Variants in PRAMEF2 observed in about 807,000 individuals in gnomAD.
PRAMEF2 encodes PRAME family member 2.
A neutral mutation model predicts 38.0 loss-of-function variants in PRAMEF2; 35 were observed. That is an observed-to-expected ratio of 0.92 (90% CI 0.70 to 1.22). The LOEUF (loss-of-function observed/expected upper bound fraction) is 1.22, where lower values mean the gene tolerates loss of function less well. PRAMEF2 is among the 50% of genes most tolerant of loss of function. The pLI is 0.00. For synonymous variants in PRAMEF2, 240 were observed against 232.4 expected (o/e 1.03, Z -0.30); for missense variants, 562 against 553.9 (o/e 1.01, Z -0.15).
At chr1:12,858,260 A>C (rs1293402764) in intron 1 of PRAMEF2, among the ~76,000 whole-genome samples, 1 of 149,566 alleles carries the variant, frequency 6.7e-6, no homozygotes, top group Non-Finnish European at 1.5e-5. Flanking sequence ...TTAATTTATC[A>C]ATTTGTTTAT....
At position 12,859,831 on chromosome 1, in the gene PRAMEF2, A is replaced by G. The variant is rs769250458; in HGVS notation, c.426A>G (p.Gly142=). 2.5e-6 allele frequency: 4 copies of G among 1,607,542 alleles called. No individual in the cohort carries two copies. The South Asian group carries it at 3.3e-5, about 13-fold the overall frequency. ...CAGCAGAGGACTGTCCAAGGACGGG[A>G]GAGCACCAGCCCTTAAAGGTGTTCA... ...RQTAEDCPRT[G]EHQPLKVFID... The change falls in exon 3 of 4, where the codon GGA becomes GGG. Residue 142 remains glycine, a synonymous_variant. Transcript: ENST00000240189.
rs373860557 is a variant in PRAMEF2, at chr1:12,858,960, C to T, written c.-25-25C>T. 18 of 1,581,600 alleles carry T rather than the reference C, an allele frequency of 1.1e-5. 1 individual carries two copies. The highest frequency in any genetic ancestry group is 1.5e-5 in the Non-Finnish European group (17 of 1,164,284). On this transcript the variant is annotated intron_variant, in intron 1 of 3. Transcript: ENST00000240189. ...GATTGTGTTTGCCCTGAGAGTGATACATTCTCCCTGGATTTGTCTTCTAGA... is the reference window on the plus strand; with the variant it reads ...GATTGTGTTTGCCCTGAGAGTGATATATTCTCCCTGGATTTGTCTTCTAGA...
rs1445452399 is a variant in PRAMEF2 at position 12,857,167 on chromosome 1, G to A, written c.-26+20G>A. On this transcript the variant is annotated intron_variant, in intron 1 of 3. Transcript: ENST00000240189. ...GCGCTGGTAAGTCACCACCTTCTTA[G>A]GGTCATGCCCATCTGATCAGCAGCC... The A allele has an allele frequency of 3.4e-5, 5 of 147,980 alleles. 1 individual carries two copies. The highest frequency in any genetic ancestry group is 9.9e-5 in the African/African-American group (4 of 40,282). 9.2% of individuals were successfully genotyped at this position (147,980 alleles called of 1,614,324 possible). A position where few individuals can be genotyped will look rare whatever the true frequency, so the allele number is the denominator to read the frequency against.
In PRAMEF2 at chr1:12,861,312, G is replaced by C. The variant is rs753038653; in HGVS notation, c.958G>C (p.Gly320Arg). Reference protein sequence around the residue: ...LKCLSQFPSLGYLKHLNLSYV... With the variant: ...LKCLSQFPSLRYLKHLNLSYV... Reference sequence around the variant, plus strand: ...GTGTCTCTCCCAGTTCCCAAGCCTCGGTTACCTAAAGCATCTGAATCTCAG... The same window carrying C: ...GTGTCTCTCCCAGTTCCCAAGCCTCCGTTACCTAAAGCATCTGAATCTCAG... The change falls in exon 4 of 4, where the codon GGT (glycine) becomes CGT (arginine). Residue 320 changes from glycine to arginine, a missense_variant. Gly to Arg is a moderately radical substitution (Grantham distance 125, BLOSUM62 -2). Transcript: ENST00000240189. 1 of 1,606,960 alleles carries C rather than the reference G, an allele frequency of 6.2e-7. No individual in the cohort carries two copies.
In PRAMEF2 at chr1:12,861,425, G is replaced by T. The variant is rs1196079796; in HGVS notation, c.1071G>T (p.Glu357Asp). The change falls in exon 4 of 4, where the codon GAG becomes GAT. Residue 357 changes from glutamate to aspartate, a missense_variant. By Grantham distance (45) the Glu-to-Asp change is conservative (BLOSUM62 2). This residue lies in a region of PRAMEF2 where 486 missense variants were observed against 444.2 expected (regional missense o/e 1.09). Transcript: ENST00000240189. ...IAASLETLVL[E>D]GCQIHYSQLS... The stretch of plus-strand genomic sequence containing the variant: ...CCTCTCTCGAGACCCTCGTGTTAGA[G>T]GGCTGTCAGATCCACTACTCCCAAC... 7 of 1,602,220 alleles carry T rather than the reference G, an allele frequency of 4.4e-6. 1 individual carries two copies. The highest frequency in any genetic ancestry group is 1.3e-5 in the African/African-American group (1 of 74,132).
rs2743661 is a variant in PRAMEF2, at chr1:12,861,713, C to A, written c.1359C>A (p.Gly453=). The A allele has an allele frequency of 6.3e-6, 10 of 1,585,880 alleles. No individual in the cohort carries two copies. The East Asian group carries it at 2.0e-4, about 32-fold the overall frequency. Residue 453 remains glycine (G), a synonymous_variant, in exon 4 of 4, where the codon GGC becomes GGA. Transcript: ENST00000240189. ...EFRQPKRIFI[G]PTPCPSCGSS... is the part of the protein sequence containing the mutation. ...GGCAGCCCAAGAGGATCTTCATTGGCCCCACCCCCTGCCCTTCCTGTGGCT... is the reference window on the plus strand; with the variant it reads ...GGCAGCCCAAGAGGATCTTCATTGGACCCACCCCCTGCCCTTCCTGTGGCT...
chr1:12,860,006 A>G lies in PRAMEF2; in HGVS notation c.601A>G (p.Ile201Val). Residue 201 changes from isoleucine to valine, a missense_variant, in exon 3 of 4, where the codon ATA becomes GTA. Transcript: ENST00000240189. ...TAAATATCTCAGAAAGTCATTGAAAATAATATACATTAATAGTATTGGGGA... is the reference window on the plus strand; with the variant it reads ...TAAATATCTCAGAAAGTCATTGAAAGTAATATACATTAATAGTATTGGGGA... ...PIKYLRKSLK[I>V]IYINSIGELE... The G allele has an allele frequency of 6.2e-7, 1 of 1,607,262 alleles. No homozygotes were observed. Among genetic ancestry groups the G allele is most frequent in the Non-Finnish European group, 8.5e-7 (1 of 1,176,690 alleles).
At chr1:12,860,714 T>A (rs997124631) in intron 3 of PRAMEF2, among the ~76,000 whole-genome samples, 4 of 150,470 alleles carry the variant, frequency 2.7e-5, no homozygotes, top group Non-Finnish European at 5.9e-5. Flanking sequence ...TTTAATTCCC[T>A]GTCTGCAAAA....
rs977215068 is a variant in PRAMEF2 at position 12,861,032 on chromosome 1, C to T, written c.867-189C>T. 3.8e-4 allele frequency among the ~76,000 whole-genome samples: 57 copies of T among 149,682 alleles called. 2 individuals carry two copies. Among genetic ancestry groups the T allele is most frequent in the Non-Finnish European group, 3.7e-4 (25 of 67,656 alleles). On this transcript the variant is annotated intron_variant, in intron 3 of 3. Coordinates refer to ENST00000240189, the MANE Select transcript of PRAMEF2 (RefSeq NM_023014.1). ...AATCACACAAGCAATGGTGAAAGGG[C>T]TGAGGCTAAAATGGGACAGCCCCTG...
rs540689271 is a variant in PRAMEF2 at position 12,860,519 on chromosome 1, A to T, written c.866+248A>T. Among the ~76,000 whole-genome samples, 65 of 143,796 alleles carry T rather than the reference A, an allele frequency of 4.5e-4. 3 individuals are homozygous for T. In the South Asian group the frequency reaches 0.014, roughly 30 times the overall value. The allele number at this position is 143,796 out of a possible 152,430, so 94.3% of individuals were successfully genotyped here. ...GAGGGACATCATGTACAAGCTAGTC[A>T]GTGGGGGTTTCAGCTCTATTGGGGG... On this transcript the variant is annotated intron_variant, in intron 3 of 3. Transcript: ENST00000240189.
rs1640517311 is a variant in PRAMEF2, at chr1:12,859,959, T to C, written c.554T>C (p.Leu185Pro). Residue 185 changes from leucine to proline, a missense_variant, in exon 3 of 4, where the codon CTG (leucine) becomes CCG (proline). Leu to Pro is a moderately conservative substitution (Grantham distance 98). Around this residue, in one of 2 missense-constraint regions of PRAMEF2, gnomAD observed 486 missense variants for 444.2 expected, o/e 1.09. Coordinates refer to ENST00000240189, the MANE Select transcript of PRAMEF2 (RefSeq NM_023014.1). The stretch of plus-strand genomic sequence containing the variant: ...TTAGTACACCTGTGCTGTAGTAAGC[T>C]GGTCAATTATCTAACGCCAATTAAA... ...RGLVHLCCSK[L>P]VNYLTPIKYL... is the part of the protein sequence containing the mutation. The C allele has an allele frequency of 4.4e-6, 7 of 1,608,008 alleles. 1 individual carries two copies. Among genetic ancestry groups the C allele is most frequent in the Non-Finnish European group, 5.1e-6 (6 of 1,177,026 alleles).
chr1:12,861,353 C>G lies in PRAMEF2; in HGVS notation c.999C>G (p.Phe333Leu), dbSNP rs759960209. 2 of 1,606,806 alleles carry G rather than the reference C, an allele frequency of 1.2e-6. No homozygotes were observed. Among genetic ancestry groups the G allele is most frequent in the Non-Finnish European group, 1.7e-6 (2 of 1,176,598 alleles). ...KHLNLSYVLL[F>L]RISLEPLGAL... ...TGAATCTCAGCTACGTGCTGCTGTT[C>G]CGCATCAGTCTTGAACCCCTAGGAG... The change falls in exon 4 of 4, where the codon TTC (phenylalanine) becomes TTG (leucine). Residue 333 changes from phenylalanine (F) to leucine (L), a missense_variant. Phe to Leu is a conservative substitution (Grantham distance 22). Around this residue, in one of 2 missense-constraint regions of PRAMEF2, gnomAD observed 486 missense variants for 444.2 expected, o/e 1.09. Transcript: ENST00000240189.
At chr1:12,858,698 A>G (rs1640485215) in intron 1 of PRAMEF2, among the ~76,000 whole-genome samples, 1 of 149,734 alleles carries the variant, frequency 6.7e-6, no homozygotes, top group Non-Finnish European at 1.5e-5. Context: ...CTTGGCTTTC[A>G]GGATCCTCAG....
chr1:12,857,593 T>C (rs1256903370), intron 1 of PRAMEF2, among the ~76,000 whole-genome samples: 1 of 141,454 alleles, frequency 7.1e-6, no homozygotes, highest in Non-Finnish European at 1.5e-5. Context: ...CTAGGATCGA[T>C]CCATCAAAAA....
At chr1:12,858,142 C>G (rs1468053989) in intron 1 of PRAMEF2, among the ~76,000 whole-genome samples, 2 of 150,072 alleles carry the variant, frequency 1.3e-5, no homozygotes, top group Non-Finnish European at 3.0e-5. Context: ...CTGAGCTGGG[C>G]TCCCTGGAAA....
chr1:12,861,654 C>T lies in PRAMEF2; in HGVS notation c.1300C>T (p.Arg434Trp), dbSNP rs764609599. 14 of 1,596,616 alleles carry T rather than the reference C, an allele frequency of 8.8e-6. No homozygotes were observed. Among genetic ancestry groups the T allele is most frequent in the African/African-American group, 8.2e-5 (6 of 72,878 alleles). Residue 434 changes from arginine to tryptophan, a missense_variant, in exon 4 of 4, where the codon CGG becomes TGG. Arg to Trp is a moderately radical substitution (Grantham distance 101). Coordinates refer to ENST00000240189, the MANE Select transcript of PRAMEF2 (RefSeq NM_023014.1). ...CAATTGGGAGATCTTCACCCCACTT[C>T]GGGCTGAGCTGATGTGTACACTGAG... ...RVNWEIFTPLRAELMCTLREF... is the reference protein window; with the variant it reads ...RVNWEIFTPLWAELMCTLREF...
chr1:12,857,584 T>C (rs1399410844), intron 1 of PRAMEF2, among the ~76,000 whole-genome samples: 2 of 139,444 alleles, frequency 1.4e-5, no homozygotes, highest in Admixed American at 1.5e-4. Flanking sequence ...TTTTTGACCC[T>C]AGGATCGATC....
intron 3 of PRAMEF2, 58 bp downstream of exon 3, chr1:12,860,329 G>T (rs1640527195): frequency 6.3e-7 from 1 of 1,596,268 alleles, no homozygotes; most frequent in Non-Finnish European, 8.5e-7. Flanking sequence ...TTCTGTTACA[G>T]CAAACATTAG....
chr1:12,857,408 T>C (rs1640467293), intron 1 of PRAMEF2, among the ~76,000 whole-genome samples: 1 of 148,888 alleles, frequency 6.7e-6, no homozygotes, highest in Non-Finnish European at 1.5e-5. Flanking sequence ...GACATGAATT[T>C]TTATTTCTTG....
Sources: gnomAD v4.1 joint callset for allele counts (sites outside exome capture counted in the v4.1 genomes callset) on GRCh38, gnomAD v4.1.1 for gene constraint, gnomAD v4.1.1 regional missense constraint, MANE v1.5 for transcripts, NCBI Gene and HGNC (gene_info 2026-07-23, HGNC 2026-07-21) for gene names.